Variants in UNC5C observed in about 807,000 individuals in gnomAD.
UNC5C encodes the protein unc-5 netrin receptor C.
UNC5C carries 47 observed loss-of-function variants against 99.8 expected under a neutral mutation model. The observed-to-expected ratio is 0.47, with a 90% CI of 0.37 to 0.60. The LOEUF is 0.60. Ranked by LOEUF, UNC5C falls within the 20% of genes least tolerant of loss-of-function variation. The probability of loss-of-function intolerance (pLI) is 0.00; values close to 1 mark genes in which losing one functional copy is unlikely to be tolerated. For synonymous variants in UNC5C, 487 were observed against 452.2 expected, an observed-to-expected ratio of 1.08 and a Z score of -0.98; for missense variants, 1,062 against 1,165.9, an observed-to-expected ratio of 0.91 and a Z score of 1.30.
At chr4:95,259,933 C>G (rs1740158288) in intron 4 of UNC5C, among the ~76,000 whole-genome samples, 1 of 152,170 alleles carries the variant, frequency 6.6e-6, no homozygotes, top group East Asian at 1.9e-4. Flanking sequence ...TCTACTTGTT[C>G]TTTTAATGAC....
intron 1 of UNC5C, among the ~76,000 whole-genome samples, chr4:95,455,858 T>C (rs904733621): frequency 2.0e-5 from 3 of 152,104 alleles, no homozygotes; most frequent in African/African-American, 4.8e-5. Flanking sequence ...ACCATGTCCA[T>C]AGGAGTATTC....
Position 95,229,148 on chromosome 4 carries a change from C to T in UNC5C, c.1109-8972G>A, listed in dbSNP as rs763978367. Among the ~76,000 whole-genome samples the T allele has an allele frequency of 3.9e-5, 6 of 152,216 alleles. No homozygotes were observed. The East Asian group carries it at 1.2e-3, about 29-fold the overall frequency. ...GAAAATTCCATTTTTTTTAATTATACTTCAAGTTCTGAGATACATGTGCAG... is the reference window on the plus strand; with the variant it reads ...GAAAATTCCATTTTTTTTAATTATATTTCAAGTTCTGAGATACATGTGCAG... On this transcript the variant is annotated intron_variant, in intron 7 of 15. Coordinates refer to ENST00000453304, the MANE Select transcript of UNC5C (RefSeq NM_003728.4).
At chr4:95,446,440 T>C (rs1747109225) in intron 1 of UNC5C, among the ~76,000 whole-genome samples, 1 of 152,218 alleles carries the variant, frequency 6.6e-6, no homozygotes, top group Non-Finnish European at 1.5e-5. Context: ...TAATGATGAT[T>C]ATTTAGATTA....
chr4:95,257,983 AG>A (rs1250301060), intron 4 of UNC5C, among the ~76,000 whole-genome samples: 2 of 152,244 alleles, frequency 1.3e-5, no homozygotes, highest in Non-Finnish European at 2.9e-5. Context: ...TATCATGTAA[AG>A]GATTGTCTGA....
Position 95,548,939 on chromosome 4 carries a change from A to T in UNC5C, c.-82T>A. On this transcript the variant is annotated 5_prime_UTR_variant, in exon 1 of 16. Transcript: ENST00000453304. ...TGAAAGCCCCACTGGGCAGAAGCTG[A>T]ATCCGTGCACCGCGAAGCAGTCCGA... The T allele has an allele frequency of 6.4e-7, 1 of 1,551,092 alleles. No individual in the cohort carries two copies. The highest frequency in any genetic ancestry group is 1.2e-5 in the South Asian group (1 of 85,060).
intron 1 of UNC5C, among the ~76,000 whole-genome samples, chr4:95,393,117 TA>T (rs1201414117): frequency 6.6e-6 from 1 of 152,214 alleles, no homozygotes; most frequent in African/African-American, 2.4e-5. Flanking sequence ...AACTTTATTA[TA>T]CTGCTCTTCT....
intron 3 of UNC5C, among the ~76,000 whole-genome samples, chr4:95,281,480 T>C (rs28482197): frequency 0.67 from 102,532 of 151,954 alleles, 35,621 homozygotes; most frequent in African/African-American, 0.85. Context: ...GAGGCGGTGG[T>C]GAGGAGCCTG....
chr4:95,521,168 C>T (rs1175671535), intron 1 of UNC5C, among the ~76,000 whole-genome samples: 1 of 151,172 alleles, frequency 6.6e-6, no homozygotes, highest in Non-Finnish European at 1.5e-5. Context: ...TTGGTACATA[C>T]AGAAAGAGAG....
chr4:95,497,156 A>G (rs1225004008), intron 1 of UNC5C, among the ~76,000 whole-genome samples: 2 of 151,802 alleles, frequency 1.3e-5, no homozygotes, highest in Admixed American at 6.6e-5. Context: ...GCATGTGTCT[A>G]TATAATGACT....
intron 1 of UNC5C, among the ~76,000 whole-genome samples, chr4:95,345,333 C>G (rs1205957490): frequency 6.6e-6 from 1 of 151,962 alleles, no homozygotes; most frequent in African/African-American, 2.4e-5. Flanking sequence ...TCATCCAACA[C>G]TGGAGCACCC....
At chr4:95,510,696 A>T (rs531874011) in intron 1 of UNC5C, among the ~76,000 whole-genome samples, 18 of 152,222 alleles carry the variant, frequency 1.2e-4, no homozygotes, top group African/African-American at 4.3e-4. Flanking sequence ...GCAAGTTGTC[A>T]TACAGTAACT....
chr4:95,402,775 C>G (rs768159826), intron 1 of UNC5C, among the ~76,000 whole-genome samples: 2 of 152,192 alleles, frequency 1.3e-5, no homozygotes, highest in Non-Finnish European at 2.9e-5. Context: ...CTGCAATTAG[C>G]TAAACCTTTC....
At chr4:95,343,088 C>A (rs1390520155) in intron 1 of UNC5C, among the ~76,000 whole-genome samples, 1 of 152,138 alleles carries the variant, frequency 6.6e-6, no homozygotes, top group African/African-American at 2.4e-5. Flanking sequence ...GGGCTGGGGG[C>A]AACTTGCTTC....
rs115872398 is a variant in UNC5C, at chr4:95,195,575, T to A, written c.2136+7156A>T. Among the ~76,000 whole-genome samples the A allele has an allele frequency of 5.5e-3, 832 of 152,160 alleles. 6 individuals are homozygous for A. The highest frequency in any genetic ancestry group is 0.019 in the African/African-American group (793 of 41,496). ...GAAGCAAGCGTGAGGAGTTCAGAGT[T>A]CGGTAAGGTCACAGCTTGCCGAGGA... On this transcript the variant is annotated intron_variant, in intron 12 of 15. Coordinates refer to ENST00000453304, the MANE Select transcript of UNC5C (RefSeq NM_003728.4).
At chr4:95,439,735 T>C (rs9996009) in intron 1 of UNC5C, among the ~76,000 whole-genome samples, 26,089 of 152,176 alleles carry the variant, frequency 0.17, 2,669 homozygotes, top group Admixed American at 0.3. Context: ...GATGTCAATT[T>C]GGATTTGCTT....
intron 1 of UNC5C, among the ~76,000 whole-genome samples, chr4:95,441,794 G>A (rs1036339793): frequency 2.6e-5 from 4 of 152,112 alleles, no homozygotes; most frequent in Non-Finnish European, 5.9e-5. Context: ...CCTAACTAAG[G>A]CAATATATCT....
At chr4:95,251,064 A>G (rs989516695) in intron 4 of UNC5C, among the ~76,000 whole-genome samples, 1 of 152,228 alleles carries the variant, frequency 6.6e-6, no homozygotes, top group Non-Finnish European at 1.5e-5. Flanking sequence ...ACCTTTCACT[A>G]TTTGATTTGT....
At chr4:95,364,623 G>A (rs377168298) in intron 1 of UNC5C, among the ~76,000 whole-genome samples, 349 of 152,246 alleles carry the variant, frequency 2.3e-3, no homozygotes, top group African/African-American at 8.0e-3. Flanking sequence ...CAGGCTCAAA[G>A]GCCGGGTGAC....
intron 1 of UNC5C, among the ~76,000 whole-genome samples, chr4:95,498,075 T>C (rs1479676502): frequency 2.0e-5 from 3 of 151,968 alleles, no homozygotes; most frequent in East Asian, 1.9e-4. Context: ...AAAATGGGGA[T>C]AATAATAAGT....
Sources: gnomAD v4.1 joint callset for allele counts (sites outside exome capture counted in the v4.1 genomes callset) on GRCh38, gnomAD v4.1.1 for gene constraint, MANE v1.5 for transcripts, NCBI Gene and HGNC (gene_info 2026-07-23, HGNC 2026-07-21) for gene names.